RNF17: variants seen among roughly 807,000 people sequenced by gnomAD.
The protein encoded by RNF17 is ring finger protein 17.
RNF17 carries 31 observed loss-of-function variants against 200.5 expected under a neutral mutation model. That is an observed-to-expected ratio of 0.15 (90% CI 0.12 to 0.21). The LOEUF (loss-of-function observed/expected upper bound fraction) is 0.21, where lower values mean the gene tolerates loss of function less well. Among genes scored for constraint, RNF17 ranks in the 10% least tolerant of loss-of-function variants. The pLI is 1.00. For synonymous variants in RNF17, 606 were observed against 637.8 expected (o/e 0.95, Z 0.75); for missense variants, 1,628 against 1,905.1 (o/e 0.85, Z 2.71).
intron 25 of RNF17, 26 bp downstream of exon 25, chr13:24,854,170 T>G (rs754459692): frequency 6.5e-7 from 1 of 1,531,912 alleles, no homozygotes; most frequent in East Asian, 2.3e-5. Flanking sequence ...TTATGTAGGC[T>G]CTAGTTCTCT....
intron 15 of RNF17, among the ~76,000 whole-genome samples, chr13:24,816,089 G>T (rs1298749732): frequency 6.6e-6 from 1 of 152,034 alleles, no homozygotes; most frequent in Non-Finnish European, 1.5e-5. Context: ...TTTTAGAAAT[G>T]AGGTCTCACT....
intron 2 of RNF17, among the ~76,000 whole-genome samples, chr13:24,769,809 A>C (rs1880394697): frequency 6.6e-6 from 1 of 152,184 alleles, no homozygotes; most frequent in South Asian, 2.1e-4. Context: ...ATTCAAGATT[A>C]ATAGGTATCC....
chr13:24,755,397 A>G, the RNF17 span, among the ~76,000 whole-genome samples: 4 of 152,210 alleles, frequency 2.6e-5, no homozygotes, highest in African/African-American at 9.6e-5. Context: ...CAAATTTTTC[A>G]AAATTGGTAG....
chr13:24,756,782 C>T, the RNF17 span, among the ~76,000 whole-genome samples: 6 of 152,252 alleles, frequency 3.9e-5, no homozygotes, highest in African/African-American at 7.2e-5. Flanking sequence ...AACTTAAAAT[C>T]GACCGAAGCC....
intron 35 of RNF17, 70 bp downstream of exon 35, chr13:24,879,365 A>ATCCACGGGTGCTTTTCT: frequency 9.9e-7 from 1 of 1,014,024 alleles, no homozygotes; most frequent in Non-Finnish European, 1.5e-6. Context: ...TGATCAGAAA[A>ATCCACGGGTGCTTTTCT]GCACCCGTGG....
Position 24,830,515 on chromosome 13 carries a change from A to G in RNF17, c.2277A>G (p.Lys759=), listed in dbSNP as rs774054871. The change falls in exon 17 of 36, where the codon AAA becomes AAG. Residue 759 remains lysine, a synonymous_variant. Coordinates refer to ENST00000255324, the MANE Select transcript of RNF17 (RefSeq NM_031277.3). ...GLPGHQEVEV[K]YVDFGNTAKI... ...CTGGACATCAGGAAGTTGAAGTTAA[A>G]TATGTGGACTTTGGTAATACTGCAA... The G allele has an allele frequency of 4.4e-6, 7 of 1,608,374 alleles. No individual in the cohort carries two copies. Among genetic ancestry groups the G allele is most frequent in the Non-Finnish European group, 5.9e-6 (7 of 1,177,872 alleles).
intron 3 of RNF17, among the ~76,000 whole-genome samples, chr13:24,776,887 A>C (rs1881649506): frequency 6.6e-6 from 1 of 152,198 alleles, no homozygotes; most frequent in Non-Finnish European, 1.5e-5. Context: ...CTGACACATG[A>C]TGCCAGTCAA....
intron 5 of RNF17, among the ~76,000 whole-genome samples, 197 bp from the exon 6 acceptor site, chr13:24,781,647 C>T (rs527278789): frequency 6.6e-6 from 1 of 152,232 alleles, no homozygotes; most frequent in East Asian, 1.9e-4. Context: ...GTAAAACAAA[C>T]AAAAAGATAT....
At chr13:24,861,888 AT>A (rs1298364605) in intron 27 of RNF17, among the ~76,000 whole-genome samples, 2 of 152,232 alleles carry the variant, frequency 1.3e-5, no homozygotes, top group African/African-American at 4.8e-5. Flanking sequence ...AGACTGGGTA[AT>A]TTATGAAGAA....
At chr13:24,875,993 C>G (rs1566263912) in intron 33 of RNF17, among the ~76,000 whole-genome samples, 1 of 152,186 alleles carries the variant, frequency 6.6e-6, no homozygotes. Flanking sequence ...AGAGTTTTAC[C>G]TAAATCATTA....
In RNF17 at chr13:24,764,217, C is replaced by T. The variant is rs1265444224; in HGVS notation, c.14C>T (p.Ala5Val). Residue 5 changes from alanine to valine, a missense_variant, in exon 1 of 36, where the codon GCT becomes GTT. Transcript: ENST00000255324. MAAE[A>V]SKTGPSRSSY... Reference sequence around the variant, plus strand: ...AAAGAGACAGCGATGGCGGCAGAGGCTTCGAAGACTGGGCCTTCTAGGTCT... The same window carrying T: ...AAAGAGACAGCGATGGCGGCAGAGGTTTCGAAGACTGGGCCTTCTAGGTCT... 6.3e-7 allele frequency: 1 copy of T among 1,597,950 alleles called. No individual in the cohort carries two copies. The highest frequency in any genetic ancestry group is 8.6e-7 in the Non-Finnish European group (1 of 1,167,406).
Position 24,842,140 on chromosome 13 carries a change from G to A in RNF17, c.2582G>A (p.Gly861Asp). Residue 861 changes from glycine (G) to aspartate (D), a missense_variant, in exon 19 of 36, where the codon GGC becomes GAC. By Grantham distance (94) the Gly-to-Asp change is moderately conservative. Coordinates refer to ENST00000255324, the MANE Select transcript of RNF17 (RefSeq NM_031277.3). ...ATTAATGACCAGCTAGTTAAAGAGG[G>A]CCTAGCATCTTATGAAATAGGGTAA... ...TSINDQLVKE[G>D]LASYEIGYIL... 1 of 1,605,798 alleles carries A rather than the reference G, an allele frequency of 6.2e-7. No individual in the cohort carries two copies.
intron 33 of RNF17, among the ~76,000 whole-genome samples, chr13:24,875,125 C>T (rs1478839473): frequency 2.0e-5 from 3 of 152,076 alleles, no homozygotes; most frequent in Non-Finnish European, 4.4e-5. Context: ...AAAATTTTTT[C>T]ACCAAAATAA....
At chr13:24,795,013 G>A (rs185461799) in intron 10 of RNF17, among the ~76,000 whole-genome samples, 25 of 152,232 alleles carry the variant, frequency 1.6e-4, no homozygotes, top group African/African-American at 2.9e-4. Context: ...GCCATCGTGC[G>A]CAGCCAGGAA....
At chr13:24,823,475 T>A (rs1888299046) in intron 15 of RNF17, among the ~76,000 whole-genome samples, 1 of 149,642 alleles carries the variant, frequency 6.7e-6, no homozygotes, top group South Asian at 2.1e-4. Context: ...AGTCTGTTGT[T>A]TCTTTGGCTT....
chr13:24,856,593 T>G (rs1892534038), intron 25 of RNF17, among the ~76,000 whole-genome samples: 1 of 152,164 alleles, frequency 6.6e-6, no homozygotes, highest in Non-Finnish European at 1.5e-5. Flanking sequence ...ATAGGTTTAG[T>G]TAGTAGTCCT....
chr13:24,767,576 C>T (rs574895865), intron 2 of RNF17, among the ~76,000 whole-genome samples: 31 of 152,024 alleles, frequency 2.0e-4, no homozygotes, highest in African/African-American at 7.2e-4. Flanking sequence ...GGGGAAACCC[C>T]GTCTCTACTA....
intron 2 of RNF17, among the ~76,000 whole-genome samples, chr13:24,772,659 A>G (rs1880938102): frequency 6.6e-6 from 1 of 150,752 alleles, no homozygotes; most frequent in African/African-American, 2.4e-5. Context: ...CACCCAGGCT[A>G]GAGTGCAGTG....
intron 30 of RNF17, among the ~76,000 whole-genome samples, chr13:24,868,246 G>A (rs1036417443): frequency 6.6e-6 from 1 of 151,748 alleles, no homozygotes. Context: ...CGAGGCGGGC[G>A]GATCACGAGG....
Sources: gnomAD v4.1 joint callset for allele counts (sites outside exome capture counted in the v4.1 genomes callset) on GRCh38, gnomAD v4.1.1 for gene constraint, MANE v1.5 for transcripts, NCBI Gene and HGNC (gene_info 2026-07-23, HGNC 2026-07-21) for gene names.